The following TIAM2 variants were observed in gnomAD, a reference collection of about 807,000 sequenced individuals.
The protein encoded by TIAM2 is rho guanine nucleotide exchange factor TIAM2.
TIAM2 carries 80 observed loss-of-function variants against 152.9 expected under a neutral mutation model. The observed-to-expected ratio is 0.52, with a 90% confidence interval of 0.44 to 0.63. The LOEUF is 0.63. TIAM2 is among the 30% of genes least tolerant of loss of function. The pLI is 0.00. For missense variants in TIAM2, 1,965 were observed against 2,120.1 expected (o/e 0.93, Z 1.44); for synonymous variants, 804 against 838.0 (o/e 0.96, Z 0.70).
chr6:155,102,104 C>T (rs1038942675), intron 2 of TIAM2, among the ~76,000 whole-genome samples: 1 of 152,048 alleles, frequency 6.6e-6, no homozygotes, highest in Non-Finnish European at 1.5e-5. Context: ...TCAAGTGATT[C>T]TTCCACCTCA....
At chr6:155,122,297 G>C (rs1299800915) in intron 2 of TIAM2, among the ~76,000 whole-genome samples, 1 of 152,134 alleles carries the variant, frequency 6.6e-6, no homozygotes, top group African/African-American at 2.4e-5. Context: ...ATGTGAATGG[G>C]GACTGGGAGG....
At chr6:155,226,884 C>CA (rs1326531512) in intron 15 of TIAM2, among the ~76,000 whole-genome samples, 1 of 152,166 alleles carries the variant, frequency 6.6e-6, no homozygotes. Flanking sequence ...CAGGGCAAGT[C>CA]AAGCTGTTTG....
intron 15 of TIAM2, among the ~76,000 whole-genome samples, chr6:155,233,577 G>A (rs1405491966): frequency 2.0e-5 from 3 of 152,156 alleles, no homozygotes; most frequent in Non-Finnish European, 4.4e-5. Context: ...CTGCTTAGAC[G>A]TCTGCCTGAA....
Position 155,257,177 on chromosome 6 carries a change from A to G in TIAM2, c.*56A>G. 7.2e-7 allele frequency: 1 copy of G among 1,381,386 alleles called. No individual in the cohort carries two copies. Among genetic ancestry groups the G allele is most frequent in the Non-Finnish European group, 9.9e-7 (1 of 1,006,484 alleles). The allele number at this position is 1,381,386 out of a possible 1,614,324, so 85.6% of individuals were successfully genotyped here. A position where few individuals can be genotyped will look rare whatever the true frequency, so the allele number is the denominator to read the frequency against. On this transcript the variant is annotated 3_prime_UTR_variant, in exon 27 of 27. Transcript: ENST00000682666. ...CTCATTTTACTTTTAAACTGGTGGT[A>G]AAGTGGAAATTGCAAAAAAAAAAAA...
intron 2 of TIAM2, among the ~76,000 whole-genome samples, chr6:155,099,195 C>T (rs1778491958): frequency 6.7e-6 from 1 of 148,456 alleles, no homozygotes; most frequent in Admixed American, 6.9e-5. Context: ...GTCTCTCTTT[C>T]TCTCATCTAT....
Position 155,156,355 on chromosome 6 carries a change from A to G in TIAM2, c.2028+8021A>G, listed in dbSNP as rs1444431026. ...CCATACAACAGCCAGACTGGGTTGC[A>G]TCGGAAAAGCACATCTGGGTCAGGT... On this transcript the variant is annotated intron_variant, in intron 7 of 26. Transcript: ENST00000682666. The surrounding 1 kb of genome is among the most constrained non-coding windows in gnomAD (Gnocchi z 4.4). 6.6e-6 allele frequency among the ~76,000 whole-genome samples: 1 copy of G among 152,088 alleles called. No homozygotes were observed. The highest frequency in any genetic ancestry group is 1.5e-5 in the Non-Finnish European group (1 of 68,012).
intron 1 of TIAM2, among the ~76,000 whole-genome samples, chr6:155,034,451 C>T (rs1776886029): frequency 6.6e-6 from 1 of 152,064 alleles, no homozygotes; most frequent in Non-Finnish European, 1.5e-5. Context: ...GATGGAGTTT[C>T]ACCATGTTGG....
At chr6:155,045,068 T>TTTTTTTC (rs1278115596) in intron 1 of TIAM2, among the ~76,000 whole-genome samples, 2 of 143,772 alleles carry the variant, frequency 1.4e-5, no homozygotes, top group African/African-American at 5.0e-5. Flanking sequence ...TTTTTTTTTT[T>TTTTTTTC]GAGACAGAGT....
chr6:155,152,463 T>C (rs1779997221), intron 7 of TIAM2, among the ~76,000 whole-genome samples: 1 of 152,196 alleles, frequency 6.6e-6, no homozygotes, highest in Admixed American at 6.5e-5. Flanking sequence ...GCTCTCTGTC[T>C]GTGTGGAATG....
At chr6:155,018,799 G>A (rs1247889582) in intron 1 of TIAM2, among the ~76,000 whole-genome samples, 1 of 114,270 alleles carries the variant, frequency 8.8e-6, no homozygotes, top group Non-Finnish European at 1.8e-5. Context: ...TTTTGATGGG[G>A]AGGCCAAGGC....
intron 1 of TIAM2, among the ~76,000 whole-genome samples, chr6:155,035,693 T>A (rs2114897878): frequency 6.6e-6 from 1 of 152,342 alleles, no homozygotes; most frequent in African/African-American, 2.4e-5. Context: ...TGAGATCCAG[T>A]AGAGGCTTCT....
chr6:155,171,463 C>T lies in TIAM2; in HGVS notation c.2362-5353C>T, dbSNP rs1391485385. Among the ~76,000 whole-genome samples, 3 of 152,210 alleles carry T rather than the reference C, an allele frequency of 2.0e-5. No individual in the cohort carries two copies. In the East Asian group the frequency reaches 5.8e-4, roughly 29 times the overall value. On this transcript the variant is annotated intron_variant, in intron 9 of 26. Transcript: ENST00000682666. The stretch of plus-strand genomic sequence containing the variant: ...TTGTGACAGCCCCTGGGCCTTGGCC[C>T]CTTCTTCTGGAAAATTGGCTTGGGG...
chr6:155,070,216 T>C (rs1777809107), intron 1 of TIAM2, among the ~76,000 whole-genome samples: 1 of 40,120 alleles, frequency 2.5e-5, no homozygotes, highest in Non-Finnish European at 5.9e-5. Flanking sequence ...AGACTTTTTT[T>C]TTTTTTTTTT....
At chr6:155,092,211 C>T (rs1778322613) in intron 2 of TIAM2, among the ~76,000 whole-genome samples, 1 of 148,904 alleles carries the variant, frequency 6.7e-6, no homozygotes. Context: ...AGTCCTCCCA[C>T]CTCAGCCTCC....
intron 1 of TIAM2, among the ~76,000 whole-genome samples, chr6:155,080,801 T>C (rs542822649): frequency 2.0e-5 from 3 of 152,244 alleles, no homozygotes; most frequent in African/African-American, 7.2e-5. Context: ...GTACAGTTAG[T>C]ATGTTGCTAT....
intron 1 of TIAM2, among the ~76,000 whole-genome samples, chr6:155,073,938 G>C (rs1777899313): frequency 6.6e-6 from 1 of 152,146 alleles, no homozygotes; most frequent in African/African-American, 2.4e-5. Flanking sequence ...GCTGGTAGGT[G>C]GAAAATGCAA....
rs1001056553 is a variant in TIAM2, at chr6:155,211,143, G to A, written c.3065-61G>A. The A allele has an allele frequency of 5.5e-6, 8 of 1,453,204 alleles. No homozygotes were observed. The South Asian group carries it at 6.0e-5, about 11-fold the overall frequency. 90.0% of individuals were successfully genotyped at this position (1,453,204 alleles called of 1,614,324 possible). On this transcript the variant is annotated intron_variant, in intron 14 of 26. Transcript: ENST00000682666. Reference sequence around the variant, plus strand: ...CTTTCTCCATGTGAGCCTTTAAACCGGGTGTTATTATTCTCTGCAAATGGC... The same window carrying A: ...CTTTCTCCATGTGAGCCTTTAAACCAGGTGTTATTATTCTCTGCAAATGGC...
At chr6:155,215,020 C>A (rs1781818335) in intron 15 of TIAM2, among the ~76,000 whole-genome samples, 1 of 152,132 alleles carries the variant, frequency 6.6e-6, no homozygotes, top group Non-Finnish European at 1.5e-5. Flanking sequence ...TTAAGTGTGC[C>A]TGTGGGGGCC....
intron 16 of TIAM2, among the ~76,000 whole-genome samples, chr6:155,241,823 A>G (rs1220374024): frequency 6.6e-6 from 1 of 152,208 alleles, no homozygotes; most frequent in African/African-American, 2.4e-5. Context: ...GAATAATCCC[A>G]TCTCCACAGT....
Sources: allele counts gnomAD v4.1 joint callset (sites outside exome capture counted in the v4.1 genomes callset), GRCh38; gene constraint gnomAD v4.1.1; non-coding constraint Gnocchi (gnomAD v3.1); transcripts MANE v1.5; gene names NCBI Gene and HGNC (gene_info 2026-07-23, HGNC 2026-07-21).